Variants in ROCK2 observed in about 807,000 individuals in gnomAD.
ROCK2 encodes the protein Rho associated coiled-coil containing protein kinase 2.
A neutral mutation model predicts 195.1 loss-of-function variants in ROCK2; 61 were observed. That is an observed-to-expected ratio of 0.31 (90% confidence interval 0.25 to 0.39). The LOEUF (loss-of-function observed/expected upper bound fraction) is 0.39, where lower values mean the gene tolerates loss of function less well. Ranked by LOEUF, ROCK2 falls within the 10% of genes least tolerant of loss-of-function variation. ROCK2 has a pLI of 1.00. For synonymous variants in ROCK2, 504 were observed against 545.5 expected (o/e 0.92, Z 1.06); for missense variants, 1,109 against 1,637.4 (o/e 0.68, Z 5.57).
At chr2:11,273,999 A>G (rs534495407) in intron 3 of ROCK2, among the ~76,000 whole-genome samples, 1 of 152,110 alleles carries the variant, frequency 6.6e-6, no homozygotes, top group East Asian at 1.9e-4. Flanking sequence ...AAATTAAACA[A>G]CACACAAATA....
At chr2:11,190,580 T>C (rs1663387362) in intron 32 of ROCK2, among the ~76,000 whole-genome samples, 1 of 151,426 alleles carries the variant, frequency 6.6e-6, no homozygotes, top group Non-Finnish European at 1.5e-5. Context: ...AAGAAAAAAA[T>C]GTATCAAAAG....
intron 3 of ROCK2, among the ~76,000 whole-genome samples, chr2:11,272,164 G>C (rs1010644518): frequency 2.6e-5 from 4 of 152,108 alleles, no homozygotes; most frequent in African/African-American, 9.7e-5. Context: ...GGAAAGTTAA[G>C]ACATTAACAG....
At chr2:11,225,751 C>T (rs1664789182) in intron 6 of ROCK2, among the ~76,000 whole-genome samples, 1 of 152,130 alleles carries the variant, frequency 6.6e-6, no homozygotes, top group Non-Finnish European at 1.5e-5. Context: ...ACTCTATTTT[C>T]AAAAGATTAC....
At chr2:11,231,072 A>T (rs1052394798) in intron 5 of ROCK2, among the ~76,000 whole-genome samples, 4 of 152,080 alleles carry the variant, frequency 2.6e-5, no homozygotes, top group Non-Finnish European at 4.4e-5. Context: ...ACCTTTTTTT[A>T]AAAAAATTAC....
chr2:11,234,468 TTAAAGA>T (rs1389354026), intron 5 of ROCK2: 1 of 152,118 alleles, frequency 6.6e-6, no homozygotes, highest in Non-Finnish European at 1.5e-5. Context: ...TTCATTTTCA[TTAAAGA>T]TAATTTGCAC....
In ROCK2 at chr2:11,201,143, C is replaced by A; in HGVS notation, c.2724G>T (p.Arg908=). The A allele has an allele frequency of 1.3e-6, 2 of 1,598,316 alleles. No individual in the cohort carries two copies. The highest frequency in any genetic ancestry group is 1.7e-6 in the Non-Finnish European group (2 of 1,174,602). The change falls in exon 23 of 33, where the codon CGG becomes CGT. Residue 908 remains arginine (R), a splice_region_variant and synonymous_variant. Transcript: ENST00000315872. This position sits in a 1 kb window ranked among gnomAD's most constrained non-coding sequence, Gnocchi z 4.6. ...TCTCCAGTTGGGCAGCCAAAGAGTCCCTACATTTTAGCAATATATCATTTT... is the reference window on the plus strand; with the variant it reads ...TCTCCAGTTGGGCAGCCAAAGAGTCACTACATTTTAGCAATATATCATTTT... ...QQKKQELQDE[R]DSLAAQLEIT...
rs1461406620 is a variant in ROCK2, at chr2:11,344,316, C to CGCCCG, written c.-185_-181dup. The CGCCCG allele has an allele frequency of 4.9e-4, 577 of 1,187,784 alleles. 2 individuals carry two copies. The African/African-American group carries it at 8.7e-3, about 18-fold the overall frequency. 73.6% of individuals were successfully genotyped at this position (1,187,784 alleles called of 1,614,324 possible). On this transcript the variant is annotated 5_prime_UTR_variant, in exon 1 of 33. Transcript: ENST00000315872. The surrounding 1 kb of genome is among the most constrained non-coding windows in gnomAD (Gnocchi z 5.4). ...CGCCTGGGGGCTGCTCCCAGGGGCC[C>CGCCCG]GCCCGGCCCAGCCCGGCCCAGCCCG...
intron 4 of ROCK2, among the ~76,000 whole-genome samples, chr2:11,240,518 G>C (rs1665385535): frequency 1.3e-5 from 2 of 152,186 alleles, no homozygotes; most frequent in Non-Finnish European, 2.9e-5. Context: ...AGATGTAAAA[G>C]ATAACATATT....
chr2:11,216,290 T>C, intron 12 of ROCK2, 84 bp from the exon 13 acceptor site: 1 of 1,000,886 alleles, frequency 1.0e-6, no homozygotes, highest in Non-Finnish European at 1.5e-6. Context: ...ATTACATAAT[T>C]ACTTGGTAGC....
chr2:11,256,511 C>T (rs1036521126), intron 3 of ROCK2, among the ~76,000 whole-genome samples: 1 of 151,188 alleles, frequency 6.6e-6, no homozygotes, highest in Non-Finnish European at 1.5e-5. Context: ...TATGAATTAT[C>T]CAGTCTCTCA....
rs377218696 is a variant in ROCK2 at position 11,214,907 on chromosome 2, A to C, written c.1869T>G (p.Leu623=). Residue 623 remains leucine, a synonymous_variant, in exon 16 of 33, where the codon CTT becomes CTG. Coordinates refer to ENST00000315872, the MANE Select transcript of ROCK2 (RefSeq NM_004850.5). ...TCCTTTCAGATTCTAGAGCTGACTG[A>C]AGATTGATAAATTCCTTTTCAAGTT... ...KLKLEKEFIN[L]QSALESERRD... 3.3e-4 allele frequency: 527 copies of C among 1,613,762 alleles called. No individual in the cohort carries two copies. The highest frequency in any genetic ancestry group is 4.1e-4 in the Non-Finnish European group (484 of 1,179,886).
chr2:11,290,415 A>C (rs1479660669), intron 1 of ROCK2, among the ~76,000 whole-genome samples: 1 of 152,190 alleles, frequency 6.6e-6, no homozygotes, highest in Non-Finnish European at 1.5e-5. Context: ...CCTGGGCAAC[A>C]CAGCAAGACC....
intron 1 of ROCK2, among the ~76,000 whole-genome samples, chr2:11,293,948 G>A (rs1469289653): frequency 6.6e-6 from 1 of 152,142 alleles, no homozygotes; most frequent in Non-Finnish European, 1.5e-5. Context: ...CGTGAGGTCA[G>A]GAGATCGAGA....
chr2:11,272,869 C>CA (rs34327134), intron 3 of ROCK2, among the ~76,000 whole-genome samples: 45,918 of 98,970 alleles, frequency 0.46, 10,176 homozygotes, highest in Admixed American at 0.55. Flanking sequence ...GACTCTGTCT[C>CA]AAAAAAAAAA....
At chr2:11,186,365 CTTT>C (rs1217577313) in intron 32 of ROCK2, among the ~76,000 whole-genome samples, 1 of 152,152 alleles carries the variant, frequency 6.6e-6, no homozygotes, top group East Asian at 1.9e-4. Context: ...CTTTCAAAAC[CTTT>C]GAAGTGTGTG....
chr2:11,227,294 A>G lies in ROCK2; in HGVS notation c.828T>C (p.Asp276=). The change falls in exon 6 of 33, where the codon GAT becomes GAC. Residue 276 remains aspartate, a synonymous_variant. Coordinates refer to ENST00000315872, the MANE Select transcript of ROCK2 (RefSeq NM_004850.5). ...GGDGFYGREC[D]WWSVGVFLYE... is the part of the protein sequence containing the mutation. ...AAAGGAAAACACCTACAGACCACCAATCACATTCTCGCCCATAGAAACCAT... is the reference window on the plus strand; with the variant it reads ...AAAGGAAAACACCTACAGACCACCAGTCACATTCTCGCCCATAGAAACCAT... 1 of 1,613,850 alleles carries G rather than the reference A, an allele frequency of 6.2e-7. No homozygotes were observed. The highest frequency in any genetic ancestry group is 8.5e-7 in the Non-Finnish European group (1 of 1,179,820).
chr2:11,207,684 G>A (rs1214287463), intron 20 of ROCK2, 42 bp downstream of exon 20: 1 of 1,447,076 alleles, frequency 6.9e-7, no homozygotes, highest in African/African-American at 1.4e-5. Flanking sequence ...ACTTATACAT[G>A]GATAATTATG....
intron 1 of ROCK2, among the ~76,000 whole-genome samples, chr2:11,328,375 T>C (rs1668612160): frequency 6.6e-6 from 1 of 152,148 alleles, no homozygotes; most frequent in Non-Finnish European, 1.5e-5. Flanking sequence ...ACAAACAATA[T>C]AGGCTGTTAT....
At chr2:11,198,809 C>A in intron 23 of ROCK2, 35 bp from the exon 24 acceptor site, 1 of 1,099,674 alleles carries the variant, frequency 9.1e-7, no homozygotes, top group South Asian at 1.4e-5. Flanking sequence ...AATCACATCC[C>A]AATTTACACA....
Sources: gnomAD v4.1 joint callset for allele counts (sites outside exome capture counted in the v4.1 genomes callset) on GRCh38, gnomAD v4.1.1 for gene constraint, Gnocchi (gnomAD v3.1) non-coding constraint, MANE v1.5 for transcripts, NCBI Gene and HGNC (gene_info 2026-07-23, HGNC 2026-07-21) for gene names.